ARL13B: variants seen among roughly 807,000 people sequenced by gnomAD.
The protein encoded by ARL13B is ADP-ribosylation factor-like protein 13B.
A neutral mutation model predicts 56.1 loss-of-function variants in ARL13B; 36 were observed. The observed-to-expected ratio is 0.64, with a 90% confidence interval of 0.49 to 0.85. ARL13B has a LOEUF of 0.85. Among genes scored for constraint, ARL13B ranks in the 40% least tolerant of loss-of-function variants. The pLI is 0.00. For missense variants in ARL13B, 519 were observed against 507.1 expected, an observed-to-expected ratio of 1.02 and a Z score of -0.23; for synonymous variants, 178 against 171.1, an observed-to-expected ratio of 1.04 and a Z score of -0.32.
intron 7 of ARL13B, among the ~76,000 whole-genome samples, chr3:94,044,475 G>A (rs1248529411): frequency 6.7e-6 from 1 of 149,062 alleles, no homozygotes; most frequent in East Asian, 2.0e-4. Flanking sequence ...TCTGGGAAGT[G>A]GGGAGCGCCT....
chr3:94,021,299 A>G (rs2076444353), intron 3 of ARL13B, among the ~76,000 whole-genome samples: 2 of 151,306 alleles, frequency 1.3e-5, no homozygotes, highest in Non-Finnish European at 2.9e-5. Flanking sequence ...GTTCGAAGCG[A>G]TTCTCCTGCG....
intron 7 of ARL13B, among the ~76,000 whole-genome samples, chr3:94,044,984 T>C (rs1486777446): frequency 1.3e-5 from 2 of 152,054 alleles, no homozygotes; most frequent in Non-Finnish European, 2.9e-5. Context: ...ATGATGACGA[T>C]GGCGGTTTTG....
intron 7 of ARL13B, among the ~76,000 whole-genome samples, chr3:94,043,708 A>C (rs533626031): frequency 2.0e-5 from 2 of 98,484 alleles, no homozygotes; most frequent in Admixed American, 1.3e-4. Context: ...CCGAGCCTGG[A>C]CTGTACTGCC....
chr3:94,041,874 GAC>G (rs1457925757), intron 6 of ARL13B, among the ~76,000 whole-genome samples: 1 of 152,028 alleles, frequency 6.6e-6, no homozygotes, highest in Non-Finnish European at 1.5e-5. Flanking sequence ...GCCTGGCCAA[GAC>G]GGTGAAACCC....
At chr3:94,005,213 C>T (rs1188135494) in intron 3 of ARL13B, among the ~76,000 whole-genome samples, 2 of 152,088 alleles carry the variant, frequency 1.3e-5, no homozygotes, top group African/African-American at 4.8e-5. Context: ...CAAGTTAGAC[C>T]TCAGGAGCTT....
rs1443607884 is a variant in ARL13B at position 94,053,406 on chromosome 3, C to T, written c.*143C>T. The T allele has an allele frequency of 1.3e-6, 1 of 770,396 alleles. No individual in the cohort carries two copies. The highest frequency in any genetic ancestry group is 2.6e-5 in the East Asian group (1 of 37,770). The allele number at this position is 770,396 out of a possible 1,614,324, so 47.7% of individuals were successfully genotyped here. A position where few individuals can be genotyped will look rare whatever the true frequency, so the allele number is the denominator to read the frequency against. ...TAGTGAGAAGATTAATACTCAAGGA[C>T]CTGACTTGATAATTACTTATTTGTG... On this transcript the variant is annotated 3_prime_UTR_variant, in exon 10 of 10. Transcript: ENST00000394222.
At chr3:94,004,445 G>A (rs975081066) in intron 3 of ARL13B, among the ~76,000 whole-genome samples, 1 of 152,102 alleles carries the variant, frequency 6.6e-6, no homozygotes, top group Non-Finnish European at 1.5e-5. Context: ...AAAACGAAGT[G>A]ACAAAGGACT....
intron 5 of ARL13B, among the ~76,000 whole-genome samples, chr3:94,038,875 TCA>T (rs771167902): frequency 4.3e-4 from 66 of 152,126 alleles, no homozygotes; most frequent in Non-Finnish European, 7.9e-4. Context: ...TTACTATAAA[TCA>T]CAGAGATAGT....
At position 94,055,541 on chromosome 3, in the gene ARL13B, A is replaced by T. The variant is rs779645955; in HGVS notation, c.*2278A>T. On this transcript the variant is annotated 3_prime_UTR_variant, in exon 10 of 10. Coordinates refer to ENST00000394222, the MANE Select transcript of ARL13B (RefSeq NM_001174150.2). ...GGATTTGATGTCTGTCTTGCGTTAA[A>T]GCTGTTGGTCAACAGATATGTTTTT... 2.2e-6 allele frequency: 1 copy of T among 454,000 alleles called. No individual in the cohort carries two copies. Among genetic ancestry groups the T allele is most frequent in the African/African-American group, 2.0e-5 (1 of 50,126 alleles). The allele number at this position is 454,000 out of a possible 1,614,324, so 28.1% of individuals were successfully genotyped here.
At chr3:93,996,469 A>G (rs2075966896) in intron 2 of ARL13B, 1 of 213,378 alleles carries the variant, frequency 4.7e-6, no homozygotes, top group Non-Finnish European at 1.0e-5. Context: ...TATATATCAT[A>G]CATATTACAT....
chr3:94,040,913 T>C (rs2076850326), intron 6 of ARL13B, among the ~76,000 whole-genome samples: 1 of 152,156 alleles, frequency 6.6e-6, no homozygotes, highest in Non-Finnish European at 1.5e-5. Flanking sequence ...CCCAGCACCG[T>C]ATTTCCCACA....
rs2076399334 is a variant in ARL13B, at chr3:94,019,301, A to C, written c.380+15393A>C. Among the ~76,000 whole-genome samples the C allele has an allele frequency of 2.0e-5, 3 of 151,632 alleles. No homozygotes were observed. The South Asian group carries it at 6.2e-4, about 32-fold the overall frequency. On this transcript the variant is annotated intron_variant, in intron 3 of 9. Transcript: ENST00000394222. ...ACCCTCCATCTCCCAGGTTCAATCG[A>C]TTCTTCTGCCTCAGCCTCCCGAGTA...
Position 94,045,691 on chromosome 3 carries a change from A to G in ARL13B, c.1024+2451A>G, listed in dbSNP as rs569498614. Among the ~76,000 whole-genome samples, 13 of 152,128 alleles carry G rather than the reference A, an allele frequency of 8.5e-5. No individual in the cohort carries two copies. The East Asian group carries it at 2.1e-3, about 25-fold the overall frequency. ...ATACTATAAAGTAGTGGCCGGGCAC[A>G]GTGGCTCATACCTGTAATCCCGACA... On this transcript the variant is annotated intron_variant, in intron 7 of 9. Transcript: ENST00000394222.
intron 9 of ARL13B, 37 bp downstream of exon 9, chr3:94,050,929 A>T (rs1251651684): frequency 6.3e-7 from 1 of 1,575,500 alleles, no homozygotes; most frequent in South Asian, 1.1e-5. Flanking sequence ...TATCATCTGT[A>T]CATGTCACAT....
At chr3:93,990,898 G>A (rs2075864386) in intron 1 of ARL13B, among the ~76,000 whole-genome samples, 1 of 152,100 alleles carries the variant, frequency 6.6e-6, no homozygotes, top group Non-Finnish European at 1.5e-5. Flanking sequence ...ACTTAGGTTA[G>A]GCATTACCTT....
At chr3:94,018,166 A>G (rs185699699) in intron 3 of ARL13B, among the ~76,000 whole-genome samples, 84 of 152,112 alleles carry the variant, frequency 5.5e-4, no homozygotes, top group African/African-American at 1.8e-3. Flanking sequence ...CCAGAGTGCT[A>G]AGATTACAGG....
Position 94,043,500 on chromosome 3 carries a change from G to T in ARL13B, c.1024+260G>T, listed in dbSNP as rs1269370727. The stretch of plus-strand genomic sequence containing the variant: ...TTCCATTTTTATTTTCATAAATTTG[G>T]GATACAGCATAGCTCTCAAGAATCC... On this transcript the variant is annotated intron_variant, in intron 7 of 9. Coordinates refer to ENST00000394222, the MANE Select transcript of ARL13B (RefSeq NM_001174150.2). Among the ~76,000 whole-genome samples the T allele has an allele frequency of 1.1e-3, 153 of 134,474 alleles. 2 individuals are homozygous for T. Among genetic ancestry groups the T allele is most frequent in the African/African-American group, 3.8e-3 (138 of 35,888 alleles). The allele number at this position is 134,474 out of a possible 152,430, so 88.2% of individuals were successfully genotyped here. A position where few individuals can be genotyped will look rare whatever the true frequency, so the allele number is the denominator to read the frequency against.
chr3:94,016,790 G>GT (rs1553837782), intron 3 of ARL13B, among the ~76,000 whole-genome samples: 2 of 151,982 alleles, frequency 1.3e-5, no homozygotes, highest in Non-Finnish European at 2.9e-5. Context: ...GGGATTACAG[G>GT]TGCCTGCCAC....
chr3:93,990,871 A>T (rs1285830912), intron 1 of ARL13B, among the ~76,000 whole-genome samples: 1 of 152,138 alleles, frequency 6.6e-6, no homozygotes, highest in Admixed American at 6.5e-5. Flanking sequence ...TTGCTTGACT[A>T]ACTTCTCACT....
Sources: gnomAD v4.1 joint callset for allele counts (sites outside exome capture counted in the v4.1 genomes callset) on GRCh38, gnomAD v4.1.1 for gene constraint, MANE v1.5 for transcripts, NCBI Gene and HGNC (gene_info 2026-07-23, HGNC 2026-07-21) for gene names.